Variants in ECI1 observed in about 807,000 individuals in gnomAD.
ECI1 encodes the protein enoyl-CoA delta isomerase 1, also known as enoyl-CoA delta isomerase 1, mitochondrial.
ECI1 carries 34 observed loss-of-function variants against 34.2 expected under a neutral mutation model. That is an observed-to-expected ratio of 1.00 (90% confidence interval 0.76 to 1.33). The LOEUF is 1.33. ECI1 is among the 40% of genes most tolerant of loss of function. ECI1 has a pLI of 0.00. For synonymous variants in ECI1, 211 were observed against 193.0 expected (o/e 1.09, Z -0.77); for missense variants, 456 against 422.2 (o/e 1.08, Z -0.70).
chr16:2,245,749 G>A (rs922422931), intron 3 of ECI1, among the ~76,000 whole-genome samples: 6 of 152,002 alleles, frequency 3.9e-5, no homozygotes, highest in Non-Finnish European at 5.9e-5. Flanking sequence ...GCAATGGCTC[G>A]CACCTGTAAT....
intron 2 of ECI1, among the ~76,000 whole-genome samples, chr16:2,249,461 G>T (rs75906038): frequency 0.019 from 2,867 of 152,114 alleles, 82 homozygotes; most frequent in African/African-American, 0.064. Context: ...GTAAATGTGA[G>T]GCATATTTTA....
At chr16:2,245,511 G>A in intron 3 of ECI1, among the ~76,000 whole-genome samples, 1 of 152,222 alleles carries the variant, frequency 6.6e-6, no homozygotes, top group South Asian at 2.1e-4. Flanking sequence ...GGTGTGAGCT[G>A]GTGCCGCACA....
intron 6 of ECI1, chr16:2,241,639 G>A (rs907879894): frequency 2.0e-5 from 3 of 152,128 alleles, no homozygotes; most frequent in Non-Finnish European, 4.4e-5. Context: ...AAGAAGGTTA[G>A]TATTTTGTGA....
rs1464993290 is a variant in ECI1 at position 2,244,584 on chromosome 16, A to G, written c.295-32T>C. ...GGGGAGCCGGGGCCACATGCCCATC[A>G]GAGTCCACCTCCCAGCTGGCATCAC... On this transcript the variant is annotated intron_variant, in intron 3 of 6. Transcript: ENST00000301729. 3.8e-6 allele frequency: 6 copies of G among 1,562,592 alleles called. No homozygotes were observed. The Admixed American group carries it at 7.5e-5, about 20-fold the overall frequency.
chr16:2,251,464 C>G (rs778110537), intron 1 of ECI1, 35 bp from the exon 2 acceptor site: 20 of 1,527,106 alleles, frequency 1.3e-5, no homozygotes, highest in Non-Finnish European at 1.7e-5. Context: ...CGTTAGTTCC[C>G]GGTCCTGGCC....
chr16:2,241,925 T>G (rs1304281868), intron 6 of ECI1: 1 of 151,052 alleles, frequency 6.6e-6, no homozygotes, highest in East Asian at 1.9e-4. Context: ...AGTGGTGCGA[T>G]CTCAGCTCAC....
rs1210524981 is a variant in ECI1 at position 2,243,456 on chromosome 16, G to A, written c.442-17C>T. 6.2e-7 allele frequency: 1 copy of A among 1,610,766 alleles called. No homozygotes were observed. The highest frequency in any genetic ancestry group is 1.7e-5 in the Admixed American group (1 of 60,030). ...GCAGGCTCCCTGCAGGGAGAGGCCGGACAGGGCTCTTAGGTGCTGCTGGTC... is the reference window on the plus strand; with the variant it reads ...GCAGGCTCCCTGCAGGGAGAGGCCGAACAGGGCTCTTAGGTGCTGCTGGTC... On this transcript the variant is annotated splice_polypyrimidine_tract_variant and intron_variant, in intron 4 of 6. Transcript: ENST00000301729.
Position 2,251,353 on chromosome 16 carries a change from C to G in ECI1, c.129G>C (p.Gly43=), listed in dbSNP as rs866855432. ...AGGGDGARRF[G]SQRVLVEPDA... ...CCGGCTCCACCAGCACCCGCTGGCT[C>G]CCGAAGCGCCGCGCGCCGTCTCCGC... Residue 43 remains glycine, a synonymous_variant, in exon 2 of 7, where the codon GGG becomes GGC. Coordinates refer to ENST00000301729, the MANE Select transcript of ECI1 (RefSeq NM_001919.4). The G allele has an allele frequency of 8.0e-7, 1 of 1,249,216 alleles. No homozygotes were observed. The highest frequency in any genetic ancestry group is 1.0e-6 in the Non-Finnish European group (1 of 996,612). 77.4% of individuals were successfully genotyped at this position (1,249,216 alleles called of 1,614,324 possible). A position where few individuals can be genotyped will look rare whatever the true frequency, so the allele number is the denominator to read the frequency against.
At chr16:2,246,474 G>A (rs1244071256) in intron 3 of ECI1, among the ~76,000 whole-genome samples, 1 of 152,180 alleles carries the variant, frequency 6.6e-6, no homozygotes, top group Non-Finnish European at 1.5e-5. Context: ...GTGTCCGCCT[G>A]GACGACGGCC....
At chr16:2,248,352 G>A (rs994174166) in intron 2 of ECI1, among the ~76,000 whole-genome samples, 2 of 151,870 alleles carry the variant, frequency 1.3e-5, no homozygotes, top group Non-Finnish European at 2.9e-5. Context: ...CCTCGCCTCG[G>A]CCTCCCAAAG....
chr16:2,249,840 T>C (rs1316037971), intron 2 of ECI1, among the ~76,000 whole-genome samples: 3 of 120,458 alleles, frequency 2.5e-5, no homozygotes, highest in African/African-American at 9.7e-5. Context: ...ATCGTGCCAC[T>C]GCACTCCAGC....
intron 2 of ECI1, among the ~76,000 whole-genome samples, chr16:2,247,330 C>T (rs758802023): frequency 5.9e-5 from 9 of 152,272 alleles, no homozygotes; most frequent in Admixed American, 2.6e-4. Flanking sequence ...CTCTTGACCT[C>T]GCGATCTGCC....
At position 2,243,829 on chromosome 16, in the gene ECI1, G is replaced by A. The variant is rs941393940; in HGVS notation, c.442-390C>T. 2.0e-5 allele frequency among the ~76,000 whole-genome samples: 3 copies of A among 152,176 alleles called. No individual in the cohort carries two copies. In the East Asian group the frequency reaches 5.8e-4, roughly 29 times the overall value. ...AGGGGGCCCCGATACCACCCCAGCA[G>A]CTAGCGCAACCAGGATGTCCTGGGA... is the stretch of plus-strand genomic sequence containing the variant. On this transcript the variant is annotated intron_variant, in intron 4 of 6. Transcript: ENST00000301729.
chr16:2,245,147 TC>T (rs1317808486), intron 3 of ECI1, among the ~76,000 whole-genome samples: 3 of 152,084 alleles, frequency 2.0e-5, no homozygotes, highest in Non-Finnish European at 4.4e-5. Context: ...GGAGGCGGGC[TC>T]GGGGAGGAGT....
At chr16:2,245,676 G>A (rs2093538714) in intron 3 of ECI1, among the ~76,000 whole-genome samples, 1 of 152,040 alleles carries the variant, frequency 6.6e-6, no homozygotes, top group African/African-American at 2.4e-5. Flanking sequence ...GACCAGCCTG[G>A]GCAACATAGC....
chr16:2,244,280 A>T, intron 4 of ECI1, 126 bp downstream of exon 4: 1 of 1,195,396 alleles, frequency 8.4e-7, no homozygotes, highest in Non-Finnish European at 1.2e-6. Flanking sequence ...ACCTGTGCAC[A>T]TCTCAGGGCC....
chr16:2,245,376 A>G (rs1216050980), intron 3 of ECI1, among the ~76,000 whole-genome samples: 1 of 152,218 alleles, frequency 6.6e-6, no homozygotes, highest in Non-Finnish European at 1.5e-5. Flanking sequence ...AAGGAGGGCG[A>G]CAGCCACCTA....
chr16:2,251,459 G>C (rs2093553668), intron 1 of ECI1, 30 bp from the exon 2 acceptor site: 8 of 1,521,806 alleles, frequency 5.3e-6, no homozygotes, highest in African/African-American at 1.4e-5. Flanking sequence ...GAGCCCGTTA[G>C]TTCCCGGTCC....
At position 2,243,240 on chromosome 16, in the gene ECI1, C is replaced by A. The variant is rs1567312904; in HGVS notation, c.564-16G>T. ...GTCTTTCAACCTGGAAATGCAGACACCCACTCACCACATGGCCCCAGGCGG... is the reference window on the plus strand; with the variant it reads ...GTCTTTCAACCTGGAAATGCAGACAACCACTCACCACATGGCCCCAGGCGG... On this transcript the variant is annotated splice_polypyrimidine_tract_variant and intron_variant, in intron 5 of 6. Coordinates refer to ENST00000301729, the MANE Select transcript of ECI1 (RefSeq NM_001919.4). The A allele has an allele frequency of 1.2e-6, 2 of 1,612,858 alleles. No homozygotes were observed. The highest frequency in any genetic ancestry group is 1.7e-6 in the Non-Finnish European group (2 of 1,180,004).
Sources: allele counts gnomAD v4.1 joint callset (sites outside exome capture counted in the v4.1 genomes callset), GRCh38; gene constraint gnomAD v4.1.1; transcripts MANE v1.5; gene names NCBI Gene and HGNC (gene_info 2026-07-23, HGNC 2026-07-21).